ATAD1: variants seen among roughly 807,000 people sequenced by gnomAD.
ATAD1 encodes ATPase family AAA domain containing 1, also known as outer mitochondrial transmembrane helix translocase.
In ATAD1, 18 loss-of-function variants were observed where a neutral mutation model predicts 42.7. The observed-to-expected ratio is 0.42, with a 90% CI of 0.29 to 0.63. The LOEUF (loss-of-function observed/expected upper bound fraction) is 0.63. Ranked by LOEUF, ATAD1 falls within the 20% of genes least tolerant of loss-of-function variation. The pLI, the probability that ATAD1 is intolerant of heterozygous loss-of-function variation, is 0.19. For synonymous variants in ATAD1, 132 were observed against 143.1 expected, an observed-to-expected ratio of 0.92 and a Z score of 0.55; for missense variants, 294 against 440.4, an observed-to-expected ratio of 0.67 and a Z score of 2.98.
At chr10:87,762,443 T>G (rs1242835609) in intron 8 of ATAD1, among the ~76,000 whole-genome samples, 1 of 152,080 alleles carries the variant, frequency 6.6e-6, no homozygotes, top group Non-Finnish European at 1.5e-5. Flanking sequence ...CAATTGTGTT[T>G]TATCTAAACA....
At chr10:87,796,897 TC>T (rs1282801533) in intron 2 of ATAD1, among the ~76,000 whole-genome samples, 1 of 152,174 alleles carries the variant, frequency 6.6e-6, no homozygotes, top group Non-Finnish European at 1.5e-5. Flanking sequence ...GCAATACAAC[TC>T]CCTTTTTTTG....
In ATAD1 at chr10:87,771,036, T is replaced by C; in HGVS notation, c.696A>G (p.Ile232Met). The C allele has an allele frequency of 1.9e-6, 3 of 1,612,158 alleles. No homozygotes were observed. The highest frequency in any genetic ancestry group is 2.5e-6 in the Non-Finnish European group (3 of 1,178,570). ...GLDTDHSCQV[I>M]VMGATNRPQD... ...GAGGACGATTGGTAGCTCCCATTAC[T>C]ATGACCTAAGTGTATAAAGAAGACA... Residue 232 changes from isoleucine to methionine, a missense_variant, in exon 7 of 10, where the codon ATA becomes ATG. Ile to Met is a conservative substitution (Grantham distance 10, BLOSUM62 1). Coordinates refer to ENST00000680024, the MANE Select transcript of ATAD1 (RefSeq NM_001321967.2).
chr10:87,776,550 C>T, intron 5 of ATAD1, 123 bp from the exon 6 acceptor site: 1 of 653,872 alleles, frequency 1.5e-6, no homozygotes, highest in Non-Finnish European at 2.6e-6. Context: ...CACATTGCAA[C>T]CTCGAACTCC....
At chr10:87,790,884 C>T (rs1856063002) in intron 3 of ATAD1, among the ~76,000 whole-genome samples, 1 of 151,718 alleles carries the variant, frequency 6.6e-6, no homozygotes, top group Admixed American at 6.6e-5. Flanking sequence ...GAATTTTATC[C>T]ATCAAAAGTA....
intron 1 of ATAD1, among the ~76,000 whole-genome samples, chr10:87,836,266 C>T (rs1225900982): frequency 6.6e-6 from 1 of 152,094 alleles, no homozygotes; most frequent in East Asian, 1.9e-4. Context: ...GCTAAGACTA[C>T]CACCATGCCT....
chr10:87,783,188 T>G (rs572461877), intron 5 of ATAD1, among the ~76,000 whole-genome samples: 1 of 152,178 alleles, frequency 6.6e-6, no homozygotes, highest in Admixed American at 6.5e-5. Context: ...TAGACCATCC[T>G]GGGCAACATG....
intron 9 of ATAD1, among the ~76,000 whole-genome samples, 174 bp from the exon 10 acceptor site, chr10:87,754,981 A>G (rs1222574291): frequency 6.6e-6 from 1 of 152,242 alleles, no homozygotes; most frequent in Non-Finnish European, 1.5e-5. Context: ...AAAGACAACC[A>G]CAATGAACAG....
At chr10:87,796,448 G>A (rs1483948898) in intron 2 of ATAD1, among the ~76,000 whole-genome samples, 1 of 152,156 alleles carries the variant, frequency 6.6e-6, no homozygotes, top group Non-Finnish European at 1.5e-5. Context: ...CTATGACCTG[G>A]AAGCCCCCTC....
intron 1 of ATAD1, among the ~76,000 whole-genome samples, chr10:87,828,912 G>T (rs964244987): frequency 6.6e-6 from 1 of 152,148 alleles, no homozygotes; most frequent in Non-Finnish European, 1.5e-5. Context: ...TTACAGCATG[G>T]TTTTCTGAAT....
intron 8 of ATAD1, among the ~76,000 whole-genome samples, chr10:87,763,262 A>G (rs182684562): frequency 1.1e-3 from 175 of 152,232 alleles, no homozygotes; most frequent in Non-Finnish European, 2.0e-3. Flanking sequence ...AAAGGGCTCT[A>G]TGACATGCTC....
At chr10:87,783,635 T>C (rs1039113197) in intron 5 of ATAD1, among the ~76,000 whole-genome samples, 6 of 151,426 alleles carry the variant, frequency 4.0e-5, no homozygotes, top group Non-Finnish European at 4.4e-5. Context: ...CTAATAATAC[T>C]GTATTAGTAT....
chr10:87,764,340 T>C (rs1256653780), intron 8 of ATAD1, among the ~76,000 whole-genome samples: 2 of 152,058 alleles, frequency 1.3e-5, no homozygotes, highest in African/African-American at 4.8e-5. Flanking sequence ...CACGTGCCTG[T>C]AATCCCAGCT....
intron 6 of ATAD1, among the ~76,000 whole-genome samples, chr10:87,771,572 T>G (rs1178519546): frequency 6.6e-6 from 1 of 152,140 alleles, no homozygotes. Context: ...CATCTCATGG[T>G]ACTATCAGCA....
intron 2 of ATAD1, among the ~76,000 whole-genome samples, chr10:87,798,313 A>G (rs1224996206): frequency 6.6e-6 from 1 of 152,192 alleles, no homozygotes; most frequent in Non-Finnish European, 1.5e-5. Flanking sequence ...AATGAGGAGA[A>G]TGATCCCCTT....
At chr10:87,798,615 A>G (rs1856516309) in intron 2 of ATAD1, among the ~76,000 whole-genome samples, 1 of 88,088 alleles carries the variant, frequency 1.1e-5, no homozygotes, top group Non-Finnish European at 2.6e-5. Flanking sequence ...CCAAAGTAAA[A>G]GCTATAGGGG....
intron 8 of ATAD1, among the ~76,000 whole-genome samples, chr10:87,760,324 T>C (rs989430764): frequency 2.0e-5 from 3 of 152,102 alleles, no homozygotes; most frequent in Non-Finnish European, 4.4e-5. Context: ...GTGAGTTCTC[T>C]CAAGATCTGA....
intron 1 of ATAD1, among the ~76,000 whole-genome samples, chr10:87,824,401 G>A (rs1857688405): frequency 6.6e-6 from 1 of 152,140 alleles, no homozygotes; most frequent in African/African-American, 2.4e-5. Flanking sequence ...ACAGACCTGG[G>A]TTTGAATTTA....
chr10:87,755,406 A>G (rs1156775569), intron 9 of ATAD1, among the ~76,000 whole-genome samples: 1 of 152,176 alleles, frequency 6.6e-6, no homozygotes, highest in Non-Finnish European at 1.5e-5. Flanking sequence ...AAAAGTTATA[A>G]CCCAAGTCCA....
In ATAD1 at chr10:87,790,311, T is replaced by C; in HGVS notation, c.381A>G (p.Lys127=). 6.2e-7 allele frequency: 1 copy of C among 1,610,994 alleles called. No individual in the cohort carries two copies. Among genetic ancestry groups the C allele is most frequent in the Non-Finnish European group, 8.5e-7 (1 of 1,179,278 alleles). The change falls in exon 4 of 10, where the codon AAA becomes AAG. Residue 127 remains lysine, a splice_region_variant and synonymous_variant. Transcript: ENST00000680024. Reference sequence around the variant, plus strand: ...GGCGAATATATACCTTTACCATACCTTTTGGAGGCTGCAGAAGCCTGGAAT... The same window carrying C: ...GGCGAATATATACCTTTACCATACCCTTTGGAGGCTGCAGAAGCCTGGAAT... ...FENSRLLQPP[K]GVLLYGPPGC... is the part of the protein sequence containing the mutation.
Sources: allele counts gnomAD v4.1 joint callset (sites outside exome capture counted in the v4.1 genomes callset), GRCh38; gene constraint gnomAD v4.1.1; transcripts MANE v1.5; gene names NCBI Gene and HGNC (gene_info 2026-07-23, HGNC 2026-07-21).